NALF1: variants seen among roughly 807,000 people sequenced by gnomAD.
The protein encoded by NALF1 is family with sequence similarity 155 member A.
A neutral mutation model predicts 48.4 loss-of-function variants in NALF1; 3 were observed. That is an observed-to-expected ratio of 0.06 (90% confidence interval 0.03 to 0.16). The LOEUF is 0.16. NALF1 is among the 10% of genes least tolerant of loss of function. The pLI is 1.00. For missense variants in NALF1, 526 were observed against 571.5 expected (o/e 0.92, Z 0.81); for synonymous variants, 262 against 245.7 (o/e 1.07, Z -0.62).
At chr13:107,248,410 G>A (rs1033457665) in intron 1 of NALF1, among the ~76,000 whole-genome samples, 4 of 151,904 alleles carry the variant, frequency 2.6e-5, no homozygotes, top group African/African-American at 9.7e-5. Flanking sequence ...ATGGCTTACT[G>A]TTGGTATTGT....
intron 1 of NALF1, among the ~76,000 whole-genome samples, chr13:107,697,194 C>A (rs1023633638): frequency 1.3e-5 from 2 of 152,020 alleles, no homozygotes; most frequent in Non-Finnish European, 2.9e-5. Flanking sequence ...ATAAAACAAC[C>A]TAATGCCTCA....
At chr13:107,759,395 A>T (rs1260558775) in intron 1 of NALF1, among the ~76,000 whole-genome samples, 2 of 152,106 alleles carry the variant, frequency 1.3e-5, no homozygotes, top group Non-Finnish European at 2.9e-5. Context: ...TTTTTAGTAG[A>T]GGCGGGGTTT....
At chr13:107,571,620 T>C (rs566835648) in intron 1 of NALF1, among the ~76,000 whole-genome samples, 1 of 152,318 alleles carries the variant, frequency 6.6e-6, no homozygotes, top group East Asian at 1.9e-4. Flanking sequence ...TGGGCCATTA[T>C]AGCAATTTAT....
chr13:107,712,378 A>G (rs951203171), intron 1 of NALF1, among the ~76,000 whole-genome samples: 6 of 152,248 alleles, frequency 3.9e-5, no homozygotes, highest in Non-Finnish European at 8.8e-5. Context: ...TAATCACCGC[A>G]ATAAAACAGA....
At chr13:107,312,955 A>T (rs1390970496) in intron 1 of NALF1, among the ~76,000 whole-genome samples, 2 of 152,222 alleles carry the variant, frequency 1.3e-5, no homozygotes, top group Non-Finnish European at 2.9e-5. Context: ...ACGGAAAGCA[A>T]AACAAACCAA....
intron 1 of NALF1, among the ~76,000 whole-genome samples, chr13:107,648,475 G>A (rs748954656): frequency 6.0e-4 from 91 of 152,230 alleles, no homozygotes; most frequent in Admixed American, 1.0e-3. Context: ...TTAGCCATAT[G>A]CATTTAATGT....
At chr13:107,729,081 AC>A (rs1396638372) in intron 1 of NALF1, among the ~76,000 whole-genome samples, 5 of 152,192 alleles carry the variant, frequency 3.3e-5, no homozygotes, top group Non-Finnish European at 7.3e-5. Flanking sequence ...CACTCTATGG[AC>A]CACCAACTAC....
chr13:107,571,500 G>A (rs1328604903), intron 1 of NALF1, among the ~76,000 whole-genome samples: 4 of 152,148 alleles, frequency 2.6e-5, no homozygotes, highest in African/African-American at 9.6e-5. Flanking sequence ...GTACGTCTGG[G>A]TAGATGGGAG....
intron 1 of NALF1, among the ~76,000 whole-genome samples, chr13:107,785,158 T>C (rs1878036242): frequency 6.6e-6 from 1 of 151,702 alleles, no homozygotes; most frequent in South Asian, 2.1e-4. Context: ...ATATATGGTT[T>C]TGTAAGTAAA....
chr13:107,340,071 C>A (rs1040702296), intron 1 of NALF1, among the ~76,000 whole-genome samples: 8 of 152,068 alleles, frequency 5.3e-5, no homozygotes, highest in African/African-American at 1.9e-4. Context: ...TGCTGACCTG[C>A]CCATTTCAAA....
At chr13:107,507,217 T>G (rs1475170307) in intron 1 of NALF1, among the ~76,000 whole-genome samples, 2 of 152,030 alleles carry the variant, frequency 1.3e-5, no homozygotes, top group Non-Finnish European at 2.9e-5. Flanking sequence ...GGTTAGGCAT[T>G]TTATTAGGGA....
chr13:107,772,859 T>C (rs890839477), intron 1 of NALF1, among the ~76,000 whole-genome samples: 6 of 152,174 alleles, frequency 3.9e-5, no homozygotes, highest in Non-Finnish European at 7.4e-5. Flanking sequence ...AATGCCACAT[T>C]TTAAAATTCT....
At chr13:107,828,606 TAC>T (rs60869824) in intron 1 of NALF1, among the ~76,000 whole-genome samples, 15,203 of 103,898 alleles carry the variant, frequency 0.15, 1,070 homozygotes, top group East Asian at 0.22. Context: ...TCTATATCTA[TAC>T]ACACACACAC....
At chr13:107,301,465 G>A (rs1056664593) in intron 1 of NALF1, among the ~76,000 whole-genome samples, 1 of 152,096 alleles carries the variant, frequency 6.6e-6, no homozygotes, top group Non-Finnish European at 1.5e-5. Flanking sequence ...AAAAAGTGCT[G>A]TAAAGAGAAA....
intron 1 of NALF1, among the ~76,000 whole-genome samples, chr13:107,634,871 T>C (rs1468630420): frequency 6.6e-6 from 1 of 152,024 alleles, no homozygotes; most frequent in South Asian, 2.1e-4. Context: ...CTGGATATAA[T>C]GAGGGAATTA....
intron 2 of NALF1, among the ~76,000 whole-genome samples, chr13:107,182,284 GTTTT>G (rs1879082832): frequency 6.7e-6 from 1 of 150,276 alleles, no homozygotes; most frequent in Non-Finnish European, 1.5e-5. Flanking sequence ...TGGTTTGTTT[GTTTT>G]GAGACAGGGT....
At chr13:107,204,111 C>T (rs185655623) in intron 2 of NALF1, among the ~76,000 whole-genome samples, 148 of 143,250 alleles carry the variant, frequency 1.0e-3, no homozygotes, top group Non-Finnish European at 1.6e-3. Context: ...GAGAGGGGCG[C>T]CCACAAGCTC....
rs71121514 is a variant in NALF1 at position 107,269,913 on chromosome 13, A to ATTTTTT, written c.916-59164_916-59159dup. On this transcript the variant is annotated intron_variant, in intron 1 of 2. Coordinates refer to ENST00000375915, the MANE Select transcript of NALF1 (RefSeq NM_001080396.3). ...AGGTGCCCACCACCACGCCCGGCTA[A>ATTTTTT]TTTTTTTTTTTTTTTTTTTTTTTTT... Among the ~76,000 whole-genome samples the ATTTTTT allele has an allele frequency of 4.7e-4, 42 of 89,048 alleles. 1 individual carries two copies. Among genetic ancestry groups the ATTTTTT allele is most frequent in the South Asian group, 1.6e-3 (4 of 2,570 alleles). 58.4% of individuals were successfully genotyped at this position (89,048 alleles called of 152,430 possible).
At chr13:107,430,571 T>C (rs1884361236) in intron 1 of NALF1, among the ~76,000 whole-genome samples, 2 of 152,198 alleles carry the variant, frequency 1.3e-5, no homozygotes, top group Non-Finnish European at 2.9e-5. Context: ...GTCCTTGCGA[T>C]AGTTTGCTGA....
Sources: gnomAD v4.1 joint callset for allele counts (sites outside exome capture counted in the v4.1 genomes callset) on GRCh38, gnomAD v4.1.1 for gene constraint, MANE v1.5 for transcripts, NCBI Gene and HGNC (gene_info 2026-07-23, HGNC 2026-07-21) for gene names.